Variants in FANCD2 observed in about 807,000 individuals in gnomAD.
FANCD2 encodes FA complementation group D2.
In FANCD2, 131 loss-of-function variants were observed where a neutral mutation model predicts 192.3. The ratio of observed to expected loss-of-function variants is 0.68; its 90% CI spans 0.59 to 0.79. The LOEUF (loss-of-function observed/expected upper bound fraction) is 0.79, where lower values mean the gene tolerates loss of function less well. FANCD2 is among the 30% of genes least tolerant of loss of function. The pLI, the probability that FANCD2 is intolerant of heterozygous loss-of-function variation, is 0.00. For synonymous variants in FANCD2, 524 were observed against 612.5 expected (o/e 0.86, Z 2.13); for missense variants, 1,508 against 1,701.6 (o/e 0.89, Z 2.00).
At chr3:10,029,327 C>T (rs768853855) in intron 2 of FANCD2, among the ~76,000 whole-genome samples, 2 of 152,044 alleles carry the variant, frequency 1.3e-5, no homozygotes, top group Non-Finnish European at 2.9e-5. Context: ...TAGCGAGACT[C>T]CATCTCTACA....
intron 24 of FANCD2, 34 bp from the exon 25 acceptor site, chr3:10,065,830 C>G (rs1402142410): frequency 1.4e-6 from 2 of 1,388,144 alleles, no homozygotes; most frequent in Non-Finnish European, 2.1e-6. Flanking sequence ...TTGGCTTGCA[C>G]TAAAGGTAGT....
intron 26 of FANCD2, among the ~76,000 whole-genome samples, chr3:10,069,790 G>A (rs1229125847): frequency 2.0e-5 from 3 of 152,170 alleles, no homozygotes; most frequent in Non-Finnish European, 4.4e-5. Flanking sequence ...CTGGAGTGCA[G>A]TAGCGTGATC....
Position 10,062,008 on chromosome 3 carries a change from T to C in FANCD2, c.1767-143T>C, listed in dbSNP as rs1056577368. 2.9e-5 allele frequency: 16 copies of C among 553,100 alleles called. No homozygotes were observed. In the East Asian group the frequency reaches 3.6e-4, roughly 13 times the overall value. 34.3% of individuals were successfully genotyped at this position (553,100 alleles called of 1,614,324 possible). The stretch of plus-strand genomic sequence containing the variant: ...GGGGGAGGGATAGCATTAGGAGATA[T>C]ACTTAATGCTAAATGACGAGTTAAT... On this transcript the variant is annotated intron_variant, in intron 19 of 43. Transcript: ENST00000675286.
chr3:10,044,307 T>C (rs1479814959), intron 14 of FANCD2, among the ~76,000 whole-genome samples: 1 of 152,056 alleles, frequency 6.6e-6, no homozygotes, highest in Non-Finnish European at 1.5e-5. Context: ...AATCAATCTG[T>C]CCACTGTCAA....
intron 1 of FANCD2, 76 bp from the exon 2 acceptor site, chr3:10,028,549 T>C (rs1195674156): frequency 7.0e-6 from 7 of 995,224 alleles, no homozygotes; most frequent in Non-Finnish European, 1.1e-5. Context: ...ATAGAGCAGT[T>C]TTCTTTGAAC....
At chr3:10,029,242 G>A (rs2086531614) in intron 2 of FANCD2, among the ~76,000 whole-genome samples, 1 of 152,182 alleles carries the variant, frequency 6.6e-6, no homozygotes, top group Non-Finnish European at 1.5e-5. Flanking sequence ...GCTCACACCT[G>A]TAATCCAAGC....
chr3:10,098,593 C>G, intron 42 of FANCD2, 127 bp from the exon 43 acceptor site: 1 of 1,119,440 alleles, frequency 8.9e-7, no homozygotes, highest in South Asian at 1.5e-5. Context: ...AAGTTGGTAT[C>G]CATGTTTGCT....
intron 29 of FANCD2, among the ~76,000 whole-genome samples, chr3:10,075,699 G>A (rs1693495073): frequency 6.8e-6 from 1 of 147,614 alleles, no homozygotes; most frequent in Non-Finnish European, 1.5e-5. Context: ...TTACACGAAT[G>A]TAGGTACCTT....
chr3:10,088,752 A>G (rs1229896178), intron 35 of FANCD2, 76 bp from the exon 36 acceptor site: 4 of 1,484,758 alleles, frequency 2.7e-6, no homozygotes, highest in Admixed American at 1.7e-5. Context: ...AATTCAGATC[A>G]TAGAGGAATT....
chr3:10,044,455 G>A (rs2086946028), intron 14 of FANCD2, among the ~76,000 whole-genome samples: 1 of 151,844 alleles, frequency 6.6e-6, no homozygotes, highest in African/African-American at 2.4e-5. Flanking sequence ...ATCATCTGAG[G>A]TCAGGAGTTT....
intron 17 of FANCD2, among the ~76,000 whole-genome samples, 153 bp from the exon 18 acceptor site, chr3:10,052,230 AGCTT>A (rs2087239542): frequency 6.6e-6 from 1 of 152,200 alleles, no homozygotes; most frequent in Middle Eastern, 3.2e-3. Flanking sequence ...CTCTGAGCAT[AGCTT>A]TTAGAACTTG....
In FANCD2 at chr3:10,028,740, G is replaced by T; in HGVS notation, c.64+19G>T. The T allele has an allele frequency of 6.2e-7, 1 of 1,605,568 alleles. No homozygotes were observed. The highest frequency in any genetic ancestry group is 1.1e-5 in the South Asian group (1 of 90,934). ...GCCTCCAGTAAGTATCTAGTCATTTGTTGCTTTATTTCCTGTAGCAATGTG... is the reference window on the plus strand; with the variant it reads ...GCCTCCAGTAAGTATCTAGTCATTTTTTGCTTTATTTCCTGTAGCAATGTG... On this transcript the variant is annotated intron_variant, in intron 2 of 43. Transcript: ENST00000675286.
At chr3:10,083,855 T>A (rs1575830460) in intron 32 of FANCD2, 1 of 112,744 alleles carries the variant, frequency 8.9e-6, no homozygotes, top group African/African-American at 3.5e-5. Flanking sequence ...ACCACTGCAC[T>A]CCAGCCTGGG....
intron 17 of FANCD2, among the ~76,000 whole-genome samples, chr3:10,050,406 C>T (rs1021829154): frequency 1.4e-4 from 22 of 151,908 alleles, no homozygotes; most frequent in Admixed American, 1.2e-3. Flanking sequence ...GGGCAAATCA[C>T]GAGGTCAGGA....
chr3:10,088,378 T>C (rs937692272), intron 34 of FANCD2, 71 bp from the exon 35 acceptor site: 1 of 957,338 alleles, frequency 1.0e-6, no homozygotes, highest in Non-Finnish European at 1.7e-6. Flanking sequence ...ATAATCATCC[T>C]CAAAAACCTG....
Position 10,039,357 on chromosome 3 carries a change from G to A in FANCD2, c.570G>A (p.Lys190=), listed in dbSNP as rs2124984284. Residue 190 remains lysine, a splice_region_variant and synonymous_variant, in exon 8 of 44, where the codon AAG becomes AAA. Transcript: ENST00000675286. ...LKWLDRVVDG[K]DLTTKIMQLI... is the part of the protein sequence containing the mutation. ...GGCTTGACAGAGTTGTGGATGGCAAGGTAGGCTTATGGACTTTATCTCTTG... is the reference window on the plus strand; with the variant it reads ...GGCTTGACAGAGTTGTGGATGGCAAAGTAGGCTTATGGACTTTATCTCTTG... The A allele has an allele frequency of 6.2e-7, 1 of 1,610,572 alleles. No homozygotes were observed. The highest frequency in any genetic ancestry group is 8.5e-7 in the Non-Finnish European group (1 of 1,176,920).
chr3:10,057,979 A>G (rs2125023444), intron 18 of FANCD2: 2 of 402,468 alleles, frequency 5.0e-6, no homozygotes, highest in Admixed American at 2.9e-5. Flanking sequence ...ATTATTACTC[A>G]TTAGTAGCTT....
rs1331709428 is a variant in FANCD2, at chr3:10,064,439, G to T, written c.2021+10G>T. 3 of 1,613,378 alleles carry T rather than the reference G, an allele frequency of 1.9e-6. No homozygotes were observed. The highest frequency in any genetic ancestry group is 1.1e-5 in the South Asian group (1 of 91,060). On this transcript the variant is annotated intron_variant, in intron 22 of 43. Coordinates refer to ENST00000675286, the MANE Select transcript of FANCD2 (RefSeq NM_001018115.3). Reference sequence around the variant, plus strand: ...GTGTTGTTCCGGAAGGGTAGGTATTGTTTACCTGCTGGCTTGGTTGCACTG... The same window carrying T: ...GTGTTGTTCCGGAAGGGTAGGTATTTTTTACCTGCTGGCTTGGTTGCACTG...
At position 10,073,026 on chromosome 3, in the gene FANCD2, T is replaced by G. The variant is rs750883248; in HGVS notation, c.2605+45T>G. ...CTTGTCTTGTGTCTCTAAATAAGCT[T>G]CATTGAATTAACCTAAAAGTTATGT... is the stretch of plus-strand genomic sequence containing the variant. On this transcript the variant is annotated intron_variant, in intron 27 of 43. Transcript: ENST00000675286. 8 of 1,165,814 alleles carry G rather than the reference T, an allele frequency of 6.9e-6. No individual in the cohort carries two copies. In the South Asian group the frequency reaches 8.8e-5, roughly 13 times the overall value. The allele number at this position is 1,165,814 out of a possible 1,614,324, so 72.2% of individuals were successfully genotyped here. A position where few individuals can be genotyped will look rare whatever the true frequency, so the allele number is the denominator to read the frequency against.
Sources: gnomAD v4.1 joint callset for allele counts (sites outside exome capture counted in the v4.1 genomes callset) on GRCh38, gnomAD v4.1.1 for gene constraint, MANE v1.5 for transcripts, NCBI Gene and HGNC (gene_info 2026-07-23, HGNC 2026-07-21) for gene names.